MTFR1: variants seen among roughly 807,000 people sequenced by gnomAD.
MTFR1 encodes the protein chondrocyte protein with a poly-proline region.
In MTFR1, 28 loss-of-function variants were observed where a neutral mutation model predicts 38.8. The ratio of observed to expected loss-of-function variants is 0.72; its 90% CI spans 0.53 to 0.99. The LOEUF is 0.99. Among genes scored for constraint, MTFR1 ranks in the 50% least tolerant of loss-of-function variants. The pLI, the probability that MTFR1 is intolerant of heterozygous loss-of-function variation, is 0.00. For missense variants in MTFR1, 358 were observed against 395.5 expected (o/e 0.91, Z 0.81); for synonymous variants, 145 against 137.0 (o/e 1.06, Z -0.41).
chr8:65,686,698 G>A (rs1159148452), intron 3 of MTFR1, among the ~76,000 whole-genome samples: 2 of 151,828 alleles, frequency 1.3e-5, no homozygotes, highest in African/African-American at 2.4e-5. Context: ...TGAGGCGGGC[G>A]GATCACCTGA....
chr8:65,683,047 CT>C, intron 3 of MTFR1: 1 of 388,388 alleles, frequency 2.6e-6, no homozygotes, highest in Non-Finnish European at 3.5e-6. Flanking sequence ...ACAGTATTCT[CT>C]TTTAGCACCA....
rs188433734 is a variant in MTFR1, at chr8:65,763,287, A to G, written c.*49-7660A>G. Among the ~76,000 whole-genome samples, 245 of 152,268 alleles carry G rather than the reference A, an allele frequency of 1.6e-3. 1 individual carries two copies. Among genetic ancestry groups the G allele is most frequent in the Admixed American group, 3.2e-3 (49 of 15,300 alleles). On this transcript the variant is annotated intron_variant, in intron 3 of 3. Coordinates refer to the MTFR1 transcript ENST00000521247. ...AGACATAAAACCCTATAAAAAGGTT[A>G]CATACGGTGGCTCACGCCTGTTAAT... is the stretch of plus-strand genomic sequence containing the variant.
At chr8:65,768,981 C>T (rs571659630) in intron 3 of MTFR1, among the ~76,000 whole-genome samples, 1 of 152,156 alleles carries the variant, frequency 6.6e-6, no homozygotes, top group Non-Finnish European at 1.5e-5. Context: ...GGCGAGGTGG[C>T]TCACACCTGT....
intron 3 of MTFR1, among the ~76,000 whole-genome samples, chr8:65,741,355 T>C (rs910778686): frequency 1.3e-5 from 2 of 152,128 alleles, no homozygotes; most frequent in Non-Finnish European, 2.9e-5. Flanking sequence ...TAGTCCCAAA[T>C]TGAAAATTTA....
At chr8:65,731,890 G>A (rs1454278384) in intron 3 of MTFR1, among the ~76,000 whole-genome samples, 1 of 152,062 alleles carries the variant, frequency 6.6e-6, no homozygotes, top group Non-Finnish European at 1.5e-5. Context: ...CCTTAGTTAT[G>A]TACTGTCCAC....
chr8:65,708,374 T>G (rs1805848494), intron 7 of MTFR1: 1 of 348,844 alleles, frequency 2.9e-6, no homozygotes, highest in South Asian at 2.4e-5. Context: ...TGAAGTGAAA[T>G]TCAGTATAGT....
At chr8:65,703,542 T>A (rs1243041063) in intron 4 of MTFR1, among the ~76,000 whole-genome samples, 3 of 149,412 alleles carry the variant, frequency 2.0e-5, no homozygotes, top group Non-Finnish European at 4.4e-5. Flanking sequence ...CAAGTGATTC[T>A]TGTACCTCAG....
Position 65,669,556 on chromosome 8 carries a change from G to GT in MTFR1, c.-80-304dup, listed in dbSNP as rs969791735. Reference sequence around the variant, plus strand: ...GTTTTCTCTTAAATTACACATGAAGGTTTTTTTTTTTTTGAGACAGAGTCT... The same window carrying GT: ...GTTTTCTCTTAAATTACACATGAAGGTTTTTTTTTTTTTTGAGACAGAGTCT... On this transcript the variant is annotated intron_variant, in intron 1 of 7. Coordinates refer to ENST00000262146, the MANE Select transcript of MTFR1 (RefSeq NM_014637.4). Among the ~76,000 whole-genome samples, 1,041 of 144,270 alleles carry GT rather than the reference G, an allele frequency of 7.2e-3. 31 individuals are homozygous for GT. Among genetic ancestry groups the GT allele is most frequent in the Admixed American group, 0.053 (767 of 14,366 alleles). 94.6% of individuals were successfully genotyped at this position (144,270 alleles called of 152,430 possible). A position where few individuals can be genotyped will look rare whatever the true frequency, so the allele number is the denominator to read the frequency against.
At chr8:65,747,722 C>G in intron 3 of MTFR1, 1 of 1,610,940 alleles carries the variant, frequency 6.2e-7, no homozygotes, top group Non-Finnish European at 8.5e-7. Context: ...ACGAAAAAAG[C>G]GTGAAGATCT....
In MTFR1 at chr8:65,686,017, CT is replaced by C. The variant is rs535908416; in HGVS notation, c.165+3567del. Reference sequence around the variant, plus strand: ...AGAGAAGGTTCCAGTCAGTCAGGAACTATTAAAGTGGGAGACGTAGTAGTAT... The same window carrying C: ...AGAGAAGGTTCCAGTCAGTCAGGAACATTAAAGTGGGAGACGTAGTAGTAT... On this transcript the variant is annotated intron_variant, in intron 3 of 7. Coordinates refer to ENST00000262146, the MANE Select transcript of MTFR1 (RefSeq NM_014637.4). 4.5e-4 allele frequency among the ~76,000 whole-genome samples: 69 copies of C among 152,242 alleles called. 1 individual carries two copies. The highest frequency in any genetic ancestry group is 3.3e-3 in the Admixed American group (50 of 15,292).
At chr8:65,757,733 C>T (rs1426146257) in intron 3 of MTFR1, among the ~76,000 whole-genome samples, 1 of 152,196 alleles carries the variant, frequency 6.6e-6, no homozygotes, top group African/African-American at 2.4e-5. Context: ...ATTCTTCTGC[C>T]TCAGCCTCCT....
At chr8:65,644,253 A>G (rs775075125), upstream of MTFR1, among the ~76,000 whole-genome samples, 2 of 152,184 alleles carry the variant, frequency 1.3e-5, no homozygotes, top group African/African-American at 2.4e-5. Context: ...TCCATGAGGC[A>G]CTTTGTAATC....
chr8:65,690,699 C>T (rs1805250629), intron 3 of MTFR1, among the ~76,000 whole-genome samples: 1 of 151,976 alleles, frequency 6.6e-6, no homozygotes, highest in Non-Finnish European at 1.5e-5. Flanking sequence ...AACTTTCTAC[C>T]AACTAGTCAT....
chr8:65,726,132 C>G (rs976733694), intron 3 of MTFR1, among the ~76,000 whole-genome samples: 1 of 152,094 alleles, frequency 6.6e-6, no homozygotes, highest in Non-Finnish European at 1.5e-5. Context: ...ATTTTTATAC[C>G]TCACCACTTT....
At chr8:65,690,973 G>A (rs1314158213) in intron 3 of MTFR1, among the ~76,000 whole-genome samples, 2 of 152,160 alleles carry the variant, frequency 1.3e-5, no homozygotes, top group African/African-American at 2.4e-5. Context: ...TCTGTTTTCA[G>A]TAATGGGTAG....
At position 65,710,537 on chromosome 8, in the gene MTFR1, A is replaced by AAACT. The variant is rs756132523; in HGVS notation, c.*1498_*1501dup. The AAACT allele has an allele frequency of 2.6e-5, 4 of 152,590 alleles. No individual in the cohort carries two copies. The highest frequency in any genetic ancestry group is 7.2e-5 in the African/African-American group (3 of 41,440). The allele number at this position is 152,590 out of a possible 1,614,324, so 9.5% of individuals were successfully genotyped here. A position where few individuals can be genotyped will look rare whatever the true frequency, so the allele number is the denominator to read the frequency against. ...GGAAGTTACTGTTTTAAAATAAAGCAAACTAACTGTTTTATTTTCCTTGGA... is the reference window on the plus strand; with the variant it reads ...GGAAGTTACTGTTTTAAAATAAAGCAAACTAACTAACTGTTTTATTTTCCTTGGA... On this transcript the variant is annotated 3_prime_UTR_variant, in exon 8 of 8. Transcript: ENST00000262146.
chr8:65,762,954 T>C (rs1387155924), intron 3 of MTFR1, among the ~76,000 whole-genome samples: 2 of 151,040 alleles, frequency 1.3e-5, no homozygotes, highest in Non-Finnish European at 2.9e-5. Flanking sequence ...CTGGGCAACA[T>C]AGTGAGCCTC....
At chr8:65,756,390 T>C (rs1412193385) in intron 3 of MTFR1, among the ~76,000 whole-genome samples, 1 of 152,228 alleles carries the variant, frequency 6.6e-6, no homozygotes, top group Admixed American at 6.5e-5. Flanking sequence ...ATTGGTACAC[T>C]TGATGGTGCC....
intron 3 of MTFR1, chr8:65,689,548 T>A (rs2129055376): frequency 8.0e-7 from 1 of 1,253,344 alleles, no homozygotes; most frequent in East Asian, 5.7e-5. Context: ...TTTTTTTTTC[T>A]TTTTCCACTA....
Sources: allele counts gnomAD v4.1 joint callset (sites outside exome capture counted in the v4.1 genomes callset), GRCh38; gene constraint gnomAD v4.1.1; transcripts MANE v1.5; gene names NCBI Gene and HGNC (gene_info 2026-07-23, HGNC 2026-07-21).